EIPR1: variants seen among roughly 807,000 people sequenced by gnomAD.
EIPR1 encodes the protein EARP and GARP complex-interacting protein 1.
In EIPR1, 25 loss-of-function variants were observed where a neutral mutation model predicts 48.1. The ratio of observed to expected loss-of-function variants is 0.52; its 90% CI spans 0.38 to 0.73. The LOEUF is 0.73. Among genes scored for constraint, EIPR1 ranks in the 30% least tolerant of loss-of-function variants. EIPR1 has a pLI of 0.00. For missense variants in EIPR1, 415 were observed against 506.2 expected (o/e 0.82, Z 1.73); for synonymous variants, 204 against 201.9 (o/e 1.01, Z -0.09).
intron 3 of EIPR1, among the ~76,000 whole-genome samples, chr2:3,324,187 C>A (rs1302288204): frequency 3.9e-5 from 6 of 152,226 alleles, no homozygotes; most frequent in African/African-American, 7.2e-5. Context: ...CCTCCCCAGG[C>A]ACTGCACGAG....
intron 4 of EIPR1, among the ~76,000 whole-genome samples, chr2:3,239,667 G>A (rs895619486): frequency 3.6e-4 from 55 of 151,556 alleles, no homozygotes; most frequent in African/African-American, 1.2e-3. Flanking sequence ...CCTCAGCACG[G>A]TGCAGACCCT....
Position 3,269,327 on chromosome 2 carries a change from AATC to A in EIPR1, c.260-11875_260-11873del, listed in dbSNP as rs772432994. 7.1e-3 allele frequency among the ~76,000 whole-genome samples: 682 copies of A among 96,576 alleles called. 30 individuals carry two copies. Among genetic ancestry groups the A allele is most frequent in the East Asian group, 0.012 (33 of 2,740 alleles). The allele number at this position is 96,576 out of a possible 152,430, so 63.4% of individuals were successfully genotyped here. A position where few individuals can be genotyped will look rare whatever the true frequency, so the allele number is the denominator to read the frequency against. ...GTCATCGCACTCAGTCATCGCACTCAATCATCATCACACTCAGTCATCGCACTC... is the reference window on the plus strand; with the variant it reads ...GTCATCGCACTCAGTCATCGCACTCAATCATCACACTCAGTCATCGCACTC... On this transcript the variant is annotated intron_variant, in intron 3 of 8. Transcript: ENST00000382125.
At chr2:3,311,219 G>A (rs572972551) in intron 3 of EIPR1, among the ~76,000 whole-genome samples, 62 of 152,204 alleles carry the variant, frequency 4.1e-4, no homozygotes, top group African/African-American at 1.4e-3. Flanking sequence ...TTTACTATTT[G>A]ATAGACCAGA....
chr2:3,276,904 T>C (rs550053720), intron 3 of EIPR1, among the ~76,000 whole-genome samples: 1 of 152,348 alleles, frequency 6.6e-6, no homozygotes, highest in South Asian at 2.1e-4. Context: ...TAGATTAATT[T>C]ACTGAAATTT....
At chr2:3,269,685 C>T (rs555939731) in intron 3 of EIPR1, among the ~76,000 whole-genome samples, 6 of 148,798 alleles carry the variant, frequency 4.0e-5, no homozygotes, top group East Asian at 2.0e-4. Flanking sequence ...TCGCAATCAT[C>T]GCACTCAATC....
rs60543895 is a variant in EIPR1 at position 3,373,047 on chromosome 2, T to G, written c.42+4601A>C. ...CTTATCCACCATGATCAAGCGGGCT[T>G]CATCCCTGGGATACAAGGCTGGTTC... On this transcript the variant is annotated intron_variant, in intron 1 of 8. Transcript: ENST00000382125. 8.6e-3 allele frequency among the ~76,000 whole-genome samples: 1,310 copies of G among 152,318 alleles called. 120 individuals are homozygous for G. In the East Asian group the frequency reaches 0.2, roughly 23 times the overall value.
At chr2:3,302,601 C>T (rs867980639) in intron 3 of EIPR1, among the ~76,000 whole-genome samples, 6 of 152,248 alleles carry the variant, frequency 3.9e-5, no homozygotes, top group African/African-American at 1.4e-4. Flanking sequence ...ATGAAGACAG[C>T]GATGGCAGTG....
At chr2:3,214,355 G>T in intron 4 of EIPR1, 107 bp from the exon 5 acceptor site, 3 of 1,008,926 alleles carry the variant, frequency 3.0e-6, no homozygotes, top group Non-Finnish European at 4.4e-6. Context: ...ATCTTTTCCG[G>T]CCTGTAGTCA....
intron 1 of EIPR1, among the ~76,000 whole-genome samples, chr2:3,361,992 T>C (rs935791340): frequency 6.6e-6 from 1 of 152,258 alleles, no homozygotes; most frequent in African/African-American, 2.4e-5. Flanking sequence ...ACCTTCCTCT[T>C]TGGCATGCTC....
rs116024760 is a variant in EIPR1 at position 3,344,873 on chromosome 2, G to A, written c.127-6724C>T. On this transcript the variant is annotated intron_variant, in intron 2 of 8. Coordinates refer to ENST00000382125, the MANE Select transcript of EIPR1 (RefSeq NM_003310.5). ...GGCCAGGCCAGGCCCATAAGCACTG[G>A]AAAATCTAACATACTTAATAACTCT... 5.8e-3 allele frequency among the ~76,000 whole-genome samples: 885 copies of A among 151,906 alleles called. 10 individuals are homozygous for A. The highest frequency in any genetic ancestry group is 0.02 in the African/African-American group (840 of 41,418).
chr2:3,257,185 A>G, intron 4 of EIPR1, 114 bp downstream of exon 4: 1 of 1,190,106 alleles, frequency 8.4e-7, no homozygotes, highest in East Asian at 2.7e-5. Context: ...TTTTTAAAAG[A>G]AAGGAGCGTT....
Position 3,321,177 on chromosome 2 carries a change from G to C in EIPR1, c.259+16840C>G, listed in dbSNP as rs532561190. On this transcript the variant is annotated intron_variant, in intron 3 of 8. Transcript: ENST00000382125. ...GACAGCTCCCTGGAGATCATGTCTT[G>C]ATTTCTTTCTCTTTTCAAGGTGCTA... Among the ~76,000 whole-genome samples, 25 of 152,164 alleles carry C rather than the reference G, an allele frequency of 1.6e-4. 1 individual carries two copies. Among genetic ancestry groups the C allele is most frequent in the Non-Finnish European group, 2.9e-4 (20 of 68,036 alleles).
At chr2:3,373,153 A>T (rs1041547314) in intron 1 of EIPR1, among the ~76,000 whole-genome samples, 3 of 151,954 alleles carry the variant, frequency 2.0e-5, no homozygotes, top group African/African-American at 7.3e-5. Flanking sequence ...CAATAGATGC[A>T]GAAAAGGCCT....
chr2:3,276,132 T>A (rs1487455819), intron 3 of EIPR1, among the ~76,000 whole-genome samples: 2 of 152,236 alleles, frequency 1.3e-5, no homozygotes, highest in South Asian at 2.1e-4. Flanking sequence ...GAAACACAGA[T>A]AAATTGTCAA....
At chr2:3,283,363 G>A (rs559818949) in intron 3 of EIPR1, among the ~76,000 whole-genome samples, 82 of 152,308 alleles carry the variant, frequency 5.4e-4, no homozygotes, top group African/African-American at 1.9e-3. Flanking sequence ...GAGGGGCTGC[G>A]AACCACCAGG....
chr2:3,317,189 G>A (rs1416870881), intron 3 of EIPR1, among the ~76,000 whole-genome samples: 1 of 146,442 alleles, frequency 6.8e-6, no homozygotes, highest in Admixed American at 6.8e-5. Flanking sequence ...TGTGTGCCTT[G>A]CACATGGGGT....
intron 1 of EIPR1, among the ~76,000 whole-genome samples, chr2:3,356,381 T>C (rs544900082): frequency 6.4e-4 from 97 of 152,322 alleles, no homozygotes; most frequent in African/African-American, 2.2e-3. Context: ...GCAATAGCTA[T>C]GGTTAATATG....
intron 3 of EIPR1, chr2:3,282,785 C>T (rs1668054544): frequency 6.6e-6 from 1 of 152,230 alleles, no homozygotes; most frequent in African/African-American, 2.4e-5. Context: ...TCTCCGTGCT[C>T]CAGGAACAAG....
At chr2:3,353,431 T>G in intron 2 of EIPR1, 1 of 405,778 alleles carries the variant, frequency 2.5e-6, no homozygotes, top group South Asian at 1.9e-5. Flanking sequence ...TAAGTTGTCA[T>G]GTTTCTTAGG....
Sources: allele counts gnomAD v4.1 joint callset (sites outside exome capture counted in the v4.1 genomes callset), GRCh38; gene constraint gnomAD v4.1.1; transcripts MANE v1.5; gene names NCBI Gene and HGNC (gene_info 2026-07-23, HGNC 2026-07-21).